PDGFC: variants seen among roughly 807,000 people sequenced by gnomAD.
PDGFC encodes the protein platelet derived growth factor C, also known as platelet-derived growth factor C.
In PDGFC, 12 loss-of-function variants were observed where a neutral mutation model predicts 35.5. That is an observed-to-expected ratio of 0.34 (90% CI 0.22 to 0.55). The LOEUF (loss-of-function observed/expected upper bound fraction) is 0.55, where lower values mean the gene tolerates loss of function less well. PDGFC is among the 20% of genes least tolerant of loss of function. The pLI is 0.91. For missense variants in PDGFC, 322 were observed against 412.4 expected, an observed-to-expected ratio of 0.78 and a Z score of 1.90; for synonymous variants, 159 against 148.8, an observed-to-expected ratio of 1.07 and a Z score of -0.50.
At position 156,767,839 on chromosome 4, in the gene PDGFC, G is replaced by A. The variant is rs142817291; in HGVS notation, c.855C>T (p.Ala285=). Residue 285 remains alanine, a synonymous_variant, in exon 5 of 6, where the codon GCC becomes GCT. Coordinates refer to ENST00000502773, the MANE Select transcript of PDGFC (RefSeq NM_016205.3). ...ATTCATTGCAATTGTGGAGACAACA[G>A]GCACAGTTCCCACCACAGCGTTTAA... ...LLVKRCGGNC[A]CCLHNCNECQ... The A allele has an allele frequency of 1.3e-5, 21 of 1,613,238 alleles. No individual in the cohort carries two copies. The highest frequency in any genetic ancestry group is 1.6e-5 in the Non-Finnish European group (19 of 1,179,496).
intron 1 of PDGFC, among the ~76,000 whole-genome samples, chr4:156,889,156 C>T (rs1730445147): frequency 6.6e-6 from 1 of 152,150 alleles, no homozygotes; most frequent in African/African-American, 2.4e-5. Flanking sequence ...CAGACAGAGG[C>T]CTACCTTCTT....
At chr4:156,908,719 C>T (rs1021151256) in intron 1 of PDGFC, among the ~76,000 whole-genome samples, 3 of 152,120 alleles carry the variant, frequency 2.0e-5, no homozygotes, top group Admixed American at 6.5e-5. Context: ...TATTCCCATC[C>T]AAGCCAGTTA....
At chr4:156,924,268 A>C (rs1731355288) in intron 1 of PDGFC, among the ~76,000 whole-genome samples, 1 of 152,216 alleles carries the variant, frequency 6.6e-6, no homozygotes, top group Non-Finnish European at 1.5e-5. Context: ...TCTTGAAATC[A>C]GGTCCTTTTA....
intron 3 of PDGFC, among the ~76,000 whole-genome samples, chr4:156,806,339 T>A (rs1266260505): frequency 1.3e-5 from 2 of 152,038 alleles, no homozygotes; most frequent in African/African-American, 4.8e-5. Flanking sequence ...ATTCTCTTAA[T>A]ATAAACTGAT....
intron 1 of PDGFC, among the ~76,000 whole-genome samples, chr4:156,869,484 C>T (rs1405916157): frequency 2.0e-5 from 3 of 151,986 alleles, no homozygotes; most frequent in African/African-American, 7.3e-5. Flanking sequence ...CACATAGCTA[C>T]TGTTGTTTTT....
intron 2 of PDGFC, among the ~76,000 whole-genome samples, chr4:156,849,772 T>C (rs530834839): frequency 2.1e-4 from 32 of 152,240 alleles, no homozygotes; most frequent in African/African-American, 7.7e-4. Context: ...CATGGGTATG[T>C]ATCCAGGTAA....
intron 1 of PDGFC, among the ~76,000 whole-genome samples, chr4:156,928,162 G>C (rs1226289525): frequency 6.6e-6 from 1 of 152,148 alleles, no homozygotes; most frequent in African/African-American, 2.4e-5. Context: ...ACAACACGTA[G>C]GAATTATGGG....
chr4:156,909,617 A>G (rs778141962), intron 1 of PDGFC, among the ~76,000 whole-genome samples: 1 of 152,204 alleles, frequency 6.6e-6, no homozygotes, highest in Non-Finnish European at 1.5e-5. Context: ...ATGTATACAC[A>G]CATGTATTTC....
At chr4:156,946,386 T>C (rs557639649) in intron 1 of PDGFC, among the ~76,000 whole-genome samples, 1 of 152,218 alleles carries the variant, frequency 6.6e-6, no homozygotes, top group South Asian at 2.1e-4. Flanking sequence ...GTATACTATA[T>C]ATTATTTCAT....
At chr4:156,794,806 T>C (rs973702331) in intron 3 of PDGFC, among the ~76,000 whole-genome samples, 1 of 152,096 alleles carries the variant, frequency 6.6e-6, no homozygotes, top group Admixed American at 6.6e-5. Context: ...AATATCAACA[T>C]TTTGTCAAGC....
At chr4:156,923,043 T>G (rs902005674) in intron 1 of PDGFC, among the ~76,000 whole-genome samples, 1 of 152,230 alleles carries the variant, frequency 6.6e-6, no homozygotes. Context: ...GATTATATTT[T>G]TTAAATAAAT....
chr4:156,806,842 T>A (rs1411047962), intron 3 of PDGFC, among the ~76,000 whole-genome samples: 1 of 152,044 alleles, frequency 6.6e-6, no homozygotes, highest in Admixed American at 6.6e-5. Context: ...ATATATAATC[T>A]ATTATAAATT....
At chr4:156,951,759 G>A (rs1011041650) in intron 1 of PDGFC, among the ~76,000 whole-genome samples, 5 of 148,912 alleles carry the variant, frequency 3.4e-5, no homozygotes, top group Admixed American at 1.3e-4. Flanking sequence ...AAAAACCCTC[G>A]TTTTCTTTGA....
chr4:156,840,657 A>C (rs1421738571), intron 2 of PDGFC, among the ~76,000 whole-genome samples: 1 of 152,152 alleles, frequency 6.6e-6, no homozygotes, highest in Non-Finnish European at 1.5e-5. Flanking sequence ...AACAGCTTGC[A>C]CTGTGCACCT....
At chr4:156,932,382 C>T (rs1423719854) in intron 1 of PDGFC, among the ~76,000 whole-genome samples, 1 of 152,132 alleles carries the variant, frequency 6.6e-6, no homozygotes, top group Non-Finnish European at 1.5e-5. Flanking sequence ...TTGACCCAGC[C>T]ATCCCATTAC....
intron 1 of PDGFC, among the ~76,000 whole-genome samples, chr4:156,884,870 T>A (rs1579076592): frequency 1.3e-5 from 2 of 152,170 alleles, no homozygotes; most frequent in South Asian, 4.1e-4. Flanking sequence ...GGATCAAGTT[T>A]TCAAACCTGT....
intron 4 of PDGFC, among the ~76,000 whole-genome samples, chr4:156,772,348 A>C (rs891703422): frequency 1.3e-5 from 2 of 152,150 alleles, no homozygotes; most frequent in Non-Finnish European, 2.9e-5. Context: ...TTTGAGTCCC[A>C]AAATCAACAT....
intron 1 of PDGFC, among the ~76,000 whole-genome samples, chr4:156,899,014 G>C (rs1298775197): frequency 6.6e-6 from 1 of 152,050 alleles, no homozygotes; most frequent in Non-Finnish European, 1.5e-5. Flanking sequence ...TCTTTTTCCA[G>C]GTTTTCCATC....
chr4:156,917,764 G>A (rs186336320), intron 1 of PDGFC, among the ~76,000 whole-genome samples: 150 of 152,204 alleles, frequency 9.9e-4, no homozygotes, highest in African/African-American at 3.3e-3. Context: ...CGAATAATTC[G>A]CTAATATGCG....
Sources: allele counts gnomAD v4.1 joint callset (sites outside exome capture counted in the v4.1 genomes callset), GRCh38; gene constraint gnomAD v4.1.1; transcripts MANE v1.5; gene names NCBI Gene and HGNC (gene_info 2026-07-23, HGNC 2026-07-21).